INPP5K: variants seen among roughly 807,000 people sequenced by gnomAD.
INPP5K encodes inositol polyphosphate 5-phosphatase K.
INPP5K carries 35 observed loss-of-function variants against 53.5 expected under a neutral mutation model. The ratio of observed to expected loss-of-function variants is 0.65; its 90% CI spans 0.50 to 0.87. The LOEUF (loss-of-function observed/expected upper bound fraction) is 0.87, where lower values mean the gene tolerates loss of function less well. Among genes scored for constraint, INPP5K ranks in the 40% least tolerant of loss-of-function variants. INPP5K has a pLI of 0.00. For synonymous variants in INPP5K, 253 were observed against 232.8 expected (o/e 1.09, Z -0.79); for missense variants, 550 against 586.2 (o/e 0.94, Z 0.64).
chr17:1,516,405 G>C (rs752344260), intron 1 of INPP5K, 51 bp downstream of exon 1: 1 of 1,550,612 alleles, frequency 6.4e-7, no homozygotes, highest in African/African-American at 1.4e-5. Context: ...GCAGCCCAAG[G>C]GGCGCCGATC....
chr17:1,496,998 G>T (rs577463025), intron 8 of INPP5K, among the ~76,000 whole-genome samples, 195 bp from the exon 9 acceptor site: 1 of 152,350 alleles, frequency 6.6e-6, no homozygotes, highest in African/African-American at 2.4e-5. Flanking sequence ...CCAGTCGGCG[G>T]GTGGCTGGCC....
At chr17:1,503,829 C>T (rs1251677503) in intron 7 of INPP5K, among the ~76,000 whole-genome samples, 2 of 152,142 alleles carry the variant, frequency 1.3e-5, no homozygotes, top group Non-Finnish European at 2.9e-5. Flanking sequence ...TTTTGCCCTC[C>T]CTATAAGGGA....
intron 3 of INPP5K, chr17:1,510,559 C>T (rs2075284211): frequency 1.3e-5 from 2 of 152,208 alleles, no homozygotes; most frequent in South Asian, 4.1e-4. Flanking sequence ...CTGGGAAATG[C>T]TCTTCTTTAT....
chr17:1,512,991 T>C (rs2075343533), intron 3 of INPP5K, among the ~76,000 whole-genome samples: 2 of 152,250 alleles, frequency 1.3e-5, no homozygotes, highest in Admixed American at 6.5e-5. Context: ...TGGTTTTCTC[T>C]GTAAAATATC....
chr17:1,511,724 C>T (rs766003246), intron 3 of INPP5K, among the ~76,000 whole-genome samples: 22 of 152,216 alleles, frequency 1.4e-4, no homozygotes, highest in Middle Eastern at 3.4e-3. Flanking sequence ...GGGGCTGACT[C>T]CCAGGGTCAG....
At chr17:1,498,748 C>T (rs138275761) in intron 7 of INPP5K, among the ~76,000 whole-genome samples, 131 of 152,260 alleles carry the variant, frequency 8.6e-4, no homozygotes, top group Non-Finnish European at 1.6e-3. Flanking sequence ...ACGGTAAGTG[C>T]GTGGCACTAT....
intron 9 of INPP5K, 88 bp downstream of exon 9, chr17:1,496,578 G>A (rs1258481397): frequency 3.9e-6 from 6 of 1,545,466 alleles, no homozygotes; most frequent in Admixed American, 3.4e-5. Context: ...GGGTGAGTTC[G>A]TCAGCATCTG....
At chr17:1,510,629 C>T (rs1429568023) in intron 3 of INPP5K, 1 of 152,048 alleles carries the variant, frequency 6.6e-6, no homozygotes, top group Non-Finnish European at 1.5e-5. Flanking sequence ...TGCCCCCATT[C>T]CTCCCTTTTT....
intron 7 of INPP5K, among the ~76,000 whole-genome samples, chr17:1,502,904 C>G (rs11871454): frequency 6.8e-6 from 1 of 147,034 alleles, no homozygotes; most frequent in Non-Finnish European, 1.5e-5. Flanking sequence ...TTTTTTTTTT[C>G]TTTTTAAGAC....
intron 3 of INPP5K, among the ~76,000 whole-genome samples, chr17:1,512,912 A>C (rs2075342184): frequency 6.6e-6 from 1 of 152,234 alleles, no homozygotes; most frequent in African/African-American, 2.4e-5. Context: ...TTAGTAGTTA[A>C]GAACTTGGGT....
chr17:1,505,576 C>T (rs1033762824), intron 7 of INPP5K, among the ~76,000 whole-genome samples: 19 of 152,136 alleles, frequency 1.2e-4, no homozygotes, highest in Admixed American at 1.2e-3. Flanking sequence ...CTTCTGTGGA[C>T]GGCCCTGCTC....
intron 8 of INPP5K, 175 bp downstream of exon 8, chr17:1,497,761 C>T: frequency 3.3e-6 from 2 of 603,706 alleles, no homozygotes; most frequent in Admixed American, 2.8e-5. Context: ...ACAGACAGAG[C>T]CATCAACGGC....
intron 3 of INPP5K, 139 bp downstream of exon 3, chr17:1,513,314 G>A (rs757132756): frequency 2.5e-5 from 19 of 750,070 alleles, no homozygotes; most frequent in Non-Finnish European, 4.1e-5. Flanking sequence ...CAGGTGGAAG[G>A]GAGGTTTAGC....
At chr17:1,497,857 G>C in intron 8 of INPP5K, 79 bp downstream of exon 8, 1 of 1,312,152 alleles carries the variant, frequency 7.6e-7, no homozygotes, top group Admixed American at 1.9e-5. Context: ...GCTGACATTC[G>C]AATCCAGGGA....
rs368378587 is a variant in INPP5K, at chr17:1,502,145, G to A, written c.777-4023C>T. 5.8e-3 allele frequency among the ~76,000 whole-genome samples: 883 copies of A among 151,368 alleles called. 6 individuals are homozygous for A. Among genetic ancestry groups the A allele is most frequent in the African/African-American group, 0.02 (842 of 41,230 alleles). On this transcript the variant is annotated intron_variant, in intron 7 of 11. Coordinates refer to ENST00000421807, the MANE Select transcript of INPP5K (RefSeq NM_016532.4). ...CGGGCAGATCATGAGGTCAGGACAT[G>A]GAGACCATCCTGGCTAACATGGTGA...
intron 7 of INPP5K, among the ~76,000 whole-genome samples, chr17:1,506,335 G>A (rs1438363262): frequency 2.6e-5 from 4 of 152,236 alleles, no homozygotes; most frequent in East Asian, 3.9e-4. Flanking sequence ...GGCATGAATC[G>A]AAAAGTCACA....
chr17:1,502,099 C>T (rs1265717848), intron 7 of INPP5K, among the ~76,000 whole-genome samples: 1 of 151,550 alleles, frequency 6.6e-6, no homozygotes, highest in Non-Finnish European at 1.5e-5. Context: ...CCTGTAATCC[C>T]AGCACTTTGG....
intron 7 of INPP5K, 171 bp from the exon 8 acceptor site, chr17:1,498,293 C>A (rs1402170210): frequency 3.8e-6 from 2 of 525,466 alleles, no homozygotes; most frequent in Non-Finnish European, 6.7e-6. Context: ...CAGGAAGGTG[C>A]CTAACAGAAT....
At chr17:1,495,943 C>T (rs1300644153) in intron 11 of INPP5K, 64 bp from the exon 12 acceptor site, 2 of 1,473,044 alleles carry the variant, frequency 1.4e-6, no homozygotes, top group Non-Finnish European at 1.9e-6. Flanking sequence ...TCCATCACCC[C>T]CGTTCCTGCA....
Sources: gnomAD v4.1 joint callset for allele counts (sites outside exome capture counted in the v4.1 genomes callset) on GRCh38, gnomAD v4.1.1 for gene constraint, MANE v1.5 for transcripts, NCBI Gene and HGNC (gene_info 2026-07-23, HGNC 2026-07-21) for gene names.